Variants in ESRRB observed in about 807,000 individuals in gnomAD.
ESRRB encodes estrogen related receptor beta.
ESRRB carries 16 observed loss-of-function variants against 46.0 expected under a neutral mutation model. The observed-to-expected ratio is 0.35, with a 90% CI of 0.24 to 0.53. ESRRB has a LOEUF of 0.53. Ranked by LOEUF, ESRRB falls within the 20% of genes least tolerant of loss-of-function variation. ESRRB has a pLI of 0.93. For synonymous variants in ESRRB, 246 were observed against 259.6 expected, an observed-to-expected ratio of 0.95 and a Z score of 0.50; for missense variants, 488 against 607.4, an observed-to-expected ratio of 0.80 and a Z score of 2.07.
At position 76,475,016 on chromosome 14, in the gene ESRRB, G is replaced by A. The variant is rs146549646; in HGVS notation, c.578-7000G>A. Among the ~76,000 whole-genome samples the A allele has an allele frequency of 4.8e-3, 725 of 151,266 alleles. 6 individuals carry two copies. The highest frequency in any genetic ancestry group is 0.014 in the Middle Eastern group (4 of 294). The stretch of plus-strand genomic sequence containing the variant: ...GGCTGAGGCAGAAGGATCGCTTGAG[G>A]TCAGGAGTTCGAGACCAGCCTGGGC... On this transcript the variant is annotated intron_variant, in intron 3 of 6. Coordinates refer to ENST00000644823, the MANE Select transcript of ESRRB (RefSeq NM_001379180.1).
chr14:76,399,714 A>G (rs567392764), intron 1 of ESRRB, among the ~76,000 whole-genome samples: 21 of 152,334 alleles, frequency 1.4e-4, no homozygotes, highest in African/African-American at 4.8e-4. Context: ...AGGAACTCCA[A>G]AAATGCTTTG....
Position 76,498,387 on chromosome 14 carries a change from T to C in ESRRB, c.1294T>C (p.Tyr432His), listed in dbSNP as rs1206684725. 1 of 1,613,512 alleles carries C rather than the reference T, an allele frequency of 6.2e-7. No individual in the cohort carries two copies. The highest frequency in any genetic ancestry group is 8.5e-7 in the Non-Finnish European group (1 of 1,179,934). The change falls in exon 7 of 7, where the codon TAT becomes CAT. Residue 432 changes from tyrosine (Y) to histidine (H), a missense_variant. Coordinates refer to ENST00000644823, the MANE Select transcript of ESRRB (RefSeq NM_001379180.1). Reference sequence around the variant, plus strand: ...GGCCGCCAAGGCCGTGCAGCACTTCTATAGCGTCAAACTGCAGGGCAAAGT... The same window carrying C: ...GGCCGCCAAGGCCGTGCAGCACTTCCATAGCGTCAAACTGCAGGGCAAAGT... ...QTAAKAVQHFYSVKLQGKVPM... is the reference protein window; with the variant it reads ...QTAAKAVQHFHSVKLQGKVPM...
chr14:76,437,747 A>G (rs981978906), intron 1 of ESRRB, among the ~76,000 whole-genome samples: 1 of 152,098 alleles, frequency 6.6e-6, no homozygotes, highest in Admixed American at 6.5e-5. Flanking sequence ...TTCCCTGAAC[A>G]CACACCTTAA....
intron 1 of ESRRB, among the ~76,000 whole-genome samples, chr14:76,332,836 T>A (rs1413045480): frequency 4.5e-5 from 1 of 22,052 alleles, no homozygotes; most frequent in Non-Finnish European, 8.1e-5. Context: ...ATTTATATAT[T>A]ATATATTTAT....
chr14:76,486,314 C>G (rs1300558095), intron 5 of ESRRB, among the ~76,000 whole-genome samples: 2 of 152,184 alleles, frequency 1.3e-5, no homozygotes, highest in South Asian at 2.1e-4. Flanking sequence ...CTGCCCTGCC[C>G]AGGCTCCCAT....
chr14:76,463,322 A>G (rs1192662560), intron 3 of ESRRB: 1 of 154,696 alleles, frequency 6.5e-6, no homozygotes, highest in Non-Finnish European at 1.4e-5. Context: ...ACTTAATAGG[A>G]CCATAAAAGG....
At position 76,332,647 on chromosome 14, in the gene ESRRB, TTATATAAA is replaced by T. The variant is rs1884035257; in HGVS notation, c.2+21738_2+21745del. 4.5e-4 allele frequency among the ~76,000 whole-genome samples: 20 copies of T among 44,002 alleles called. 1 individual carries two copies. Among genetic ancestry groups the T allele is most frequent in the South Asian group, 7.1e-4 (1 of 1,408 alleles). 28.9% of individuals were successfully genotyped at this position (44,002 alleles called of 152,430 possible). ...AATATATATTATATATATTTATATATTATATAAATATATATTATATATATTTATATATT... is the reference window on the plus strand; with the variant it reads ...AATATATATTATATATATTTATATATTATATATTATATATATTTATATATT... On this transcript the variant is annotated intron_variant, in intron 1 of 6. Transcript: ENST00000512784.
intron 1 of ESRRB, among the ~76,000 whole-genome samples, chr14:76,349,945 C>T (rs1446559526): frequency 6.6e-6 from 1 of 152,172 alleles, no homozygotes; most frequent in Non-Finnish European, 1.5e-5. Flanking sequence ...GGCTTACATT[C>T]AGTAAGATTC....
intron 1 of ESRRB, among the ~76,000 whole-genome samples, chr14:76,397,450 C>T (rs1426721407): frequency 6.6e-6 from 1 of 152,224 alleles, no homozygotes; most frequent in African/African-American, 2.4e-5. Context: ...CGCCAGGTAC[C>T]CCATCCAGGG....
chr14:76,375,901 C>A (rs375933444), upstream of ESRRB, among the ~76,000 whole-genome samples: 15 of 147,316 alleles, frequency 1.0e-4, no homozygotes, highest in East Asian at 2.6e-3. Context: ...CCCCCACCCC[C>A]CTTTAACTGC....
intron 6 of ESRRB, 152 bp downstream of exon 6, chr14:76,491,868 G>T: frequency 2.0e-6 from 2 of 1,002,320 alleles, no homozygotes; most frequent in Non-Finnish European, 1.4e-6. Context: ...ATTGTCCAAG[G>T]GGTGGCCTGC....
rs1023793378 is a variant in ESRRB, at chr14:76,417,468, G to A, written c.51-21873G>A. 2.6e-5 allele frequency among the ~76,000 whole-genome samples: 4 copies of A among 152,168 alleles called. 1 individual carries two copies. Among genetic ancestry groups the A allele is most frequent in the Non-Finnish European group, 2.9e-5 (2 of 68,040 alleles). Reference sequence around the variant, plus strand: ...TAGTGTGTTTCTCTGGTGTCTTCTAGTTCCCATTATTCCACAATTCAACCC... The same window carrying A: ...TAGTGTGTTTCTCTGGTGTCTTCTAATTCCCATTATTCCACAATTCAACCC... On this transcript the variant is annotated intron_variant, in intron 1 of 6. Transcript: ENST00000644823.
chr14:76,434,167 G>A (rs1024337730), intron 1 of ESRRB, among the ~76,000 whole-genome samples: 1 of 152,242 alleles, frequency 6.6e-6, no homozygotes, highest in East Asian at 1.9e-4. Flanking sequence ...TCATTCGAAT[G>A]AATGAACACA....
intron 1 of ESRRB, among the ~76,000 whole-genome samples, chr14:76,406,434 C>G (rs1361355172): frequency 6.6e-6 from 1 of 152,118 alleles, no homozygotes; most frequent in Non-Finnish European, 1.5e-5. Context: ...AGATTCTACT[C>G]AAATGTCACA....
upstream of ESRRB, among the ~76,000 whole-genome samples, chr14:76,372,359 C>T (rs1175337542): frequency 1.5e-5 from 2 of 132,144 alleles, no homozygotes; most frequent in Admixed American, 8.2e-5. Flanking sequence ...TCGGCATCCA[C>T]AAACCAGTGC....
At chr14:76,464,483 A>C (rs1889022934) in intron 3 of ESRRB, among the ~76,000 whole-genome samples, 1 of 152,174 alleles carries the variant, frequency 6.6e-6, no homozygotes, top group South Asian at 2.1e-4. Flanking sequence ...ATAAAACAGA[A>C]GCTCTTGAAG....
intron 1 of ESRRB, among the ~76,000 whole-genome samples, chr14:76,321,863 G>T (rs1883871054): frequency 6.7e-6 from 1 of 150,172 alleles, no homozygotes; most frequent in African/African-American, 2.4e-5. Context: ...ATCCGGCCTG[G>T]GCTAAAGAGC....
intron 1 of ESRRB, among the ~76,000 whole-genome samples, chr14:76,397,339 G>C (rs74068604): frequency 6.6e-6 from 1 of 152,042 alleles, no homozygotes; most frequent in Non-Finnish European, 1.5e-5. Flanking sequence ...CACCCAGCAG[G>C]CCAGTCCCCC....
chr14:76,374,015 C>T (rs1884684611), upstream of ESRRB, among the ~76,000 whole-genome samples: 1 of 152,130 alleles, frequency 6.6e-6, no homozygotes, highest in Non-Finnish European at 1.5e-5. Flanking sequence ...AAAAACGGTG[C>T]ACCCACACAG....
Sources: gnomAD v4.1 joint callset for allele counts (sites outside exome capture counted in the v4.1 genomes callset) on GRCh38, gnomAD v4.1.1 for gene constraint, MANE v1.5 for transcripts, NCBI Gene and HGNC (gene_info 2026-07-23, HGNC 2026-07-21) for gene names.